The following CFDP1 variants were observed in gnomAD, a reference collection of about 807,000 sequenced individuals.
CFDP1 encodes heterochromatin-stabilizing protein CFDP1.
Under a neutral mutation model 40.1 loss-of-function variants are expected in CFDP1, and 31 were observed. That is an observed-to-expected ratio of 0.77 (90% CI 0.58 to 1.04). The LOEUF (loss-of-function observed/expected upper bound fraction) is 1.04, where lower values mean the gene tolerates loss of function less well. Ranked by LOEUF, CFDP1 falls within the 50% of genes least tolerant of loss-of-function variation. The probability of loss-of-function intolerance (pLI) is 0.00; values close to 1 mark genes in which losing one functional copy is unlikely to be tolerated. For synonymous variants in CFDP1, 167 were observed against 120.0 expected, an observed-to-expected ratio of 1.39 and a Z score of -2.56; for missense variants, 423 against 343.4, an observed-to-expected ratio of 1.23 and a Z score of -1.83.
intron 5 of CFDP1, among the ~76,000 whole-genome samples, chr16:75,367,792 C>CA (rs36057090): frequency 0.51 from 54,194 of 105,392 alleles, 14,312 homozygotes; most frequent in Admixed American, 0.61. Context: ...CACTCCATCT[C>CA]AAAAAAAAAA....
At chr16:75,328,570 G>C (rs1476336667) in intron 5 of CFDP1, among the ~76,000 whole-genome samples, 1 of 125,636 alleles carries the variant, frequency 8.0e-6, no homozygotes, top group African/African-American at 3.1e-5. Context: ...TTGCACTCCA[G>C]CCTGGGCGAC....
intron 5 of CFDP1, among the ~76,000 whole-genome samples, chr16:75,367,456 G>A (rs2078722823): frequency 6.7e-6 from 1 of 149,530 alleles, no homozygotes; most frequent in Non-Finnish European, 1.5e-5. Context: ...AAAATTGCTA[G>A]GGATAAGGGG....
At chr16:75,360,574 A>G (rs1395226315) in intron 5 of CFDP1, among the ~76,000 whole-genome samples, 1 of 152,256 alleles carries the variant, frequency 6.6e-6, no homozygotes, top group African/African-American at 2.4e-5. Flanking sequence ...GCATAAGTTA[A>G]AGACAAAAAC....
intron 5 of CFDP1, among the ~76,000 whole-genome samples, chr16:75,318,172 AAGG>A (rs2078336898): frequency 1.3e-5 from 2 of 152,146 alleles, no homozygotes; most frequent in East Asian, 1.9e-4. Context: ...GACCCTTCTC[AAGG>A]AGAACTGTGC....
chr16:75,405,806 C>T (rs2079092873), intron 4 of CFDP1, among the ~76,000 whole-genome samples: 1 of 148,720 alleles, frequency 6.7e-6, no homozygotes, highest in Non-Finnish European at 1.5e-5. Flanking sequence ...GCAGTCCTAG[C>T]TGCTAAGGAG....
chr16:75,343,725 A>C (rs2078542474), intron 5 of CFDP1, among the ~76,000 whole-genome samples: 1 of 152,212 alleles, frequency 6.6e-6, no homozygotes, highest in Admixed American at 6.5e-5. Flanking sequence ...AATGGTCAAT[A>C]TCCTAGCACT....
At chr16:75,379,440 A>T (rs1382367902) in intron 5 of CFDP1, among the ~76,000 whole-genome samples, 1 of 152,210 alleles carries the variant, frequency 6.6e-6, no homozygotes, top group Non-Finnish European at 1.5e-5. Context: ...ATTATGCAGA[A>T]TTCTACCCAA....
chr16:75,427,138 T>G (rs1288704498), intron 1 of CFDP1, among the ~76,000 whole-genome samples: 2 of 150,816 alleles, frequency 1.3e-5, no homozygotes, highest in East Asian at 1.9e-4. Context: ...ATGTTTTAAA[T>G]GGACAAAGAA....
intron 5 of CFDP1, among the ~76,000 whole-genome samples, chr16:75,384,234 G>A (rs1472801408): frequency 6.6e-6 from 1 of 152,048 alleles, no homozygotes. Context: ...GCACATGCCT[G>A]TAATCCCAGC....
At chr16:75,413,442 C>T (rs1341266672) in intron 2 of CFDP1, among the ~76,000 whole-genome samples, 1 of 151,210 alleles carries the variant, frequency 6.6e-6, no homozygotes, top group Non-Finnish European at 1.5e-5. Context: ...TGCCTATAAT[C>T]CAGCCACTCG....
intron 4 of CFDP1, among the ~76,000 whole-genome samples, chr16:75,407,273 A>G (rs2079109034): frequency 6.6e-6 from 1 of 152,236 alleles, no homozygotes; most frequent in Non-Finnish European, 1.5e-5. Context: ...GTTTTTCAGT[A>G]GCAAATAAAT....
intron 5 of CFDP1, among the ~76,000 whole-genome samples, chr16:75,352,019 AAAAAAAAAAAAAAAG>A (rs2078615936): frequency 6.7e-6 from 1 of 148,934 alleles, no homozygotes; most frequent in African/African-American, 2.5e-5. Flanking sequence ...AAAAAAAAAA[AAAAAAAAAAAAAAAG>A]AAAAGGTAAA....
At chr16:75,391,638 G>A (rs928625623) in intron 5 of CFDP1, 1 of 152,200 alleles carries the variant, frequency 6.6e-6, no homozygotes, top group African/African-American at 2.4e-5. Context: ...AATGTAAAAT[G>A]TATTCCTTAT....
At chr16:75,420,399 C>T (rs896455727) in intron 1 of CFDP1, among the ~76,000 whole-genome samples, 3 of 152,254 alleles carry the variant, frequency 2.0e-5, no homozygotes, top group African/African-American at 7.2e-5. Flanking sequence ...TTCTGATTTA[C>T]AGAGAACTGA....
rs376941250 is a variant in CFDP1, at chr16:75,319,451, G to A, written c.651-14269C>T. 1.8e-4 allele frequency among the ~76,000 whole-genome samples: 27 copies of A among 152,266 alleles called. No individual in the cohort carries two copies. The East Asian group carries it at 1.9e-3, about 11-fold the overall frequency. On this transcript the variant is annotated intron_variant, in intron 5 of 6. Coordinates refer to ENST00000283882, the MANE Select transcript of CFDP1 (RefSeq NM_006324.3). ...ACCTCAAAGTTACATCTGGGGTTGG[G>A]GGGGAACGTGCTTTATGGTCGTTGC... is the stretch of plus-strand genomic sequence containing the variant.
intron 4 of CFDP1, among the ~76,000 whole-genome samples, chr16:75,410,050 T>C (rs2079143319): frequency 3.2e-5 from 2 of 63,410 alleles, no homozygotes; most frequent in South Asian, 1.6e-3. Context: ...AGCAAGACCC[T>C]TTCTCAAAAA....
chr16:75,402,941 T>G (rs2079067905), intron 4 of CFDP1, among the ~76,000 whole-genome samples: 1 of 152,180 alleles, frequency 6.6e-6, no homozygotes, highest in Non-Finnish European at 1.5e-5. Context: ...TAACATGATT[T>G]TTAAAGTAAT....
At chr16:75,380,857 C>A (rs919904055) in intron 5 of CFDP1, among the ~76,000 whole-genome samples, 1 of 152,092 alleles carries the variant, frequency 6.6e-6, no homozygotes, top group Admixed American at 6.5e-5. Flanking sequence ...TAAAACCTCG[C>A]TAAAGAGTAA....
In CFDP1 at chr16:75,327,445, G is replaced by C. The variant is rs550338463; in HGVS notation, c.651-22263C>G. On this transcript the variant is annotated intron_variant, in intron 5 of 6. Coordinates refer to ENST00000283882, the MANE Select transcript of CFDP1 (RefSeq NM_006324.3). The stretch of plus-strand genomic sequence containing the variant: ...TGGAAGGCCCCAGAGGGATGTTACG[G>C]GGAATGGGGGAAGGGGACAGAAGGT... Among the ~76,000 whole-genome samples the C allele has an allele frequency of 1.2e-3, 176 of 151,186 alleles. 1 individual carries two copies. Among genetic ancestry groups the C allele is most frequent in the Non-Finnish European group, 2.1e-3 (143 of 68,014 alleles).
Sources: allele counts gnomAD v4.1 joint callset (sites outside exome capture counted in the v4.1 genomes callset), GRCh38; gene constraint gnomAD v4.1.1; transcripts MANE v1.5; gene names NCBI Gene and HGNC (gene_info 2026-07-23, HGNC 2026-07-21).